Variants in IP6K2 observed in about 807,000 individuals in gnomAD.
IP6K2 encodes the protein inositol hexakisphosphate kinase 2, also known as ATP:1D-myo-inositol-hexakisphosphate phosphotransferase.
In IP6K2, 9 loss-of-function variants were observed where a neutral mutation model predicts 43.3. That is an observed-to-expected ratio of 0.21 (90% CI 0.13 to 0.36). The LOEUF is 0.36. Among genes scored for constraint, IP6K2 ranks in the 10% least tolerant of loss-of-function variants. The pLI is 1.00. For missense variants in IP6K2, 332 were observed against 538.4 expected (o/e 0.62, Z 3.79); for synonymous variants, 209 against 202.4 (o/e 1.03, Z -0.28).
chr3:48,694,960 G>A (rs1458944371), intron 2 of IP6K2, 130 bp downstream of exon 2: 1 of 1,584,886 alleles, frequency 6.3e-7, no homozygotes, highest in South Asian at 1.1e-5. Flanking sequence ...GGAGGAGAAG[G>A]AGGAGAGGGA....
chr3:48,704,384 T>C (rs2079446005), intron 1 of IP6K2, among the ~76,000 whole-genome samples: 1 of 152,214 alleles, frequency 6.6e-6, no homozygotes, highest in East Asian at 1.9e-4. Flanking sequence ...AATATTTTTT[T>C]CATTCAATTG....
intron 2 of IP6K2, chr3:48,694,186 CA>C (rs2078050750): frequency 1.3e-6 from 2 of 1,550,972 alleles, no homozygotes; most frequent in Non-Finnish European, 1.7e-6. Context: ...GGGAAAGGAC[CA>C]GGGGAAAAAA....
chr3:48,703,688 G>A (rs1319125758), intron 1 of IP6K2, among the ~76,000 whole-genome samples: 1 of 152,066 alleles, frequency 6.6e-6, no homozygotes, highest in Non-Finnish European at 1.5e-5. Flanking sequence ...CTGCACTCCA[G>A]CCTGGGACAC....
chr3:48,712,425 T>C (rs2080654898), intron 1 of IP6K2, among the ~76,000 whole-genome samples: 1 of 151,680 alleles, frequency 6.6e-6, no homozygotes, highest in Admixed American at 6.6e-5. Context: ...TGTATTTTTT[T>C]TTAGTAGAGA....
chr3:48,705,308 C>T (rs1469124700), intron 1 of IP6K2, among the ~76,000 whole-genome samples: 1 of 151,856 alleles, frequency 6.6e-6, no homozygotes, highest in Non-Finnish European at 1.5e-5. Flanking sequence ...CTGCCCGCGT[C>T]AGCCTCCCAA....
chr3:48,698,436 G>C (rs190996518), intron 1 of IP6K2, among the ~76,000 whole-genome samples: 13 of 152,222 alleles, frequency 8.5e-5, no homozygotes, highest in Non-Finnish European at 1.5e-4. Flanking sequence ...CTTGAGACTA[G>C]GAGTTGACAA....
chr3:48,714,253 GAC>G (rs929768079), intron 1 of IP6K2, among the ~76,000 whole-genome samples: 1 of 152,196 alleles, frequency 6.6e-6, no homozygotes, highest in Admixed American at 6.5e-5. Context: ...TTTTAGTAGA[GAC>G]AGGGTTTCAC....
chr3:48,710,632 C>A (rs1038765109), intron 1 of IP6K2, among the ~76,000 whole-genome samples: 1 of 151,852 alleles, frequency 6.6e-6, no homozygotes, highest in South Asian at 2.1e-4. Flanking sequence ...TTTTTTGAGA[C>A]GGAGTCTCAC....
intron 1 of IP6K2, among the ~76,000 whole-genome samples, chr3:48,708,959 T>G (rs1398299462): frequency 6.6e-6 from 1 of 152,114 alleles, no homozygotes; most frequent in Admixed American, 6.5e-5. Flanking sequence ...TCCCAGCTAC[T>G]CGGGAGGCAG....
intron 1 of IP6K2, among the ~76,000 whole-genome samples, chr3:48,714,480 C>A (rs1182651703): frequency 6.6e-6 from 1 of 152,056 alleles, no homozygotes; most frequent in African/African-American, 2.4e-5. Context: ...GCAATCTCCA[C>A]CCCCTGGGTT....
At chr3:48,697,488 A>ATT (rs35746542) in intron 1 of IP6K2, among the ~76,000 whole-genome samples, 1,488 of 64,336 alleles carry the variant, frequency 0.023, 119 homozygotes, top group Non-Finnish European at 0.026. Context: ...ATGCCTGGCT[A>ATT]TTTTTTTTTT....
At chr3:48,697,352 T>A (rs963571626) in intron 1 of IP6K2, among the ~76,000 whole-genome samples, 1 of 151,022 alleles carries the variant, frequency 6.6e-6, no homozygotes, top group Non-Finnish European at 1.5e-5. Flanking sequence ...TTTTTTTTTT[T>A]AGATGGAGTC....
chr3:48,709,405 A>G (rs2080213272), intron 1 of IP6K2, among the ~76,000 whole-genome samples: 1 of 152,226 alleles, frequency 6.6e-6, no homozygotes, highest in Non-Finnish European at 1.5e-5. Context: ...TACTCCTCGC[A>G]AGGGTCTGCA....
intron 1 of IP6K2, among the ~76,000 whole-genome samples, chr3:48,697,089 C>T (rs1177044787): frequency 2.0e-5 from 3 of 150,180 alleles, no homozygotes; most frequent in East Asian, 2.0e-4. Flanking sequence ...GGCGAGATCT[C>T]GGCTCACTGC....
intron 1 of IP6K2, among the ~76,000 whole-genome samples, chr3:48,705,367 T>C (rs191703366): frequency 1.3e-5 from 2 of 151,960 alleles, no homozygotes; most frequent in East Asian, 3.9e-4. Context: ...TCACTTTTGA[T>C]AAACTTTTAA....
intron 1 of IP6K2, among the ~76,000 whole-genome samples, chr3:48,703,371 A>G (rs2079284088): frequency 6.6e-6 from 1 of 152,168 alleles, no homozygotes; most frequent in African/African-American, 2.4e-5. Context: ...GTCATATCCC[A>G]AAGACCCAAG....
chr3:48,708,769 C>A (rs2080128557), intron 1 of IP6K2, among the ~76,000 whole-genome samples: 1 of 152,100 alleles, frequency 6.6e-6, no homozygotes, highest in African/African-American at 2.4e-5. Context: ...CTTTCATATG[C>A]CAATAAGTAA....
chr3:48,706,778 T>G (rs1367897920), intron 1 of IP6K2, among the ~76,000 whole-genome samples: 1 of 152,110 alleles, frequency 6.6e-6, no homozygotes, highest in Non-Finnish European at 1.5e-5. Context: ...AGGCTGAGGC[T>G]GCAGTGAACC....
At chr3:48,697,331 ATTTTG>A (rs932420070) in intron 1 of IP6K2, among the ~76,000 whole-genome samples, 7 of 141,044 alleles carry the variant, frequency 5.0e-5, no homozygotes, top group Non-Finnish European at 9.3e-5. Context: ...TTGTTTTTTC[ATTTTG>A]TTTTGTTTTT....
Sources: gnomAD v4.1 joint callset for allele counts (sites outside exome capture counted in the v4.1 genomes callset) on GRCh38, gnomAD v4.1.1 for gene constraint, MANE v1.5 for transcripts, NCBI Gene and HGNC (gene_info 2026-07-23, HGNC 2026-07-21) for gene names.